The following SMYD4 variants were observed in gnomAD, a reference collection of about 807,000 sequenced individuals.
SMYD4 encodes the protein protein-lysine N-methyltransferase SMYD4.
Under a neutral mutation model 72.8 loss-of-function variants are expected in SMYD4, and 68 were observed. The observed-to-expected ratio is 0.93, with a 90% CI of 0.77 to 1.14. SMYD4 has a LOEUF of 1.14. Ranked by LOEUF, SMYD4 falls within the 50% of genes most tolerant of loss-of-function variation. The pLI is 0.00. For missense variants in SMYD4, 984 were observed against 1,003.7 expected (o/e 0.98, Z 0.27); for synonymous variants, 407 against 388.6 (o/e 1.05, Z -0.56).
At chr17:1,828,145 T>C (rs961795159) in intron 1 of SMYD4, 139 bp from the exon 2 acceptor site, 15 of 712,406 alleles carry the variant, frequency 2.1e-5, no homozygotes, top group Non-Finnish European at 3.2e-5. Flanking sequence ...GGTCAGGAGA[T>C]GGAGACCATC....
chr17:1,819,600 T>C (rs1910793518), intron 2 of SMYD4, among the ~76,000 whole-genome samples: 5 of 152,126 alleles, frequency 3.3e-5, no homozygotes, highest in Admixed American at 3.3e-4. Context: ...TTCTAAAGGT[T>C]TGCGCATCTA....
At chr17:1,787,058 G>C (rs975977381) in intron 6 of SMYD4, 85 bp from the exon 7 acceptor site, 4 of 1,495,002 alleles carry the variant, frequency 2.7e-6, no homozygotes, top group Non-Finnish European at 3.6e-6. Context: ...CAGAGGGTCT[G>C]GACAATTACC....
intron 4 of SMYD4, 86 bp downstream of exon 4, chr17:1,804,540 A>C: frequency 1.7e-6 from 2 of 1,160,576 alleles, no homozygotes; most frequent in Non-Finnish European, 1.3e-6. Flanking sequence ...TTAGTGTTCT[A>C]TGGAAGAAGC....
rs888775491 is a variant in SMYD4, at chr17:1,829,756, C to A, written c.-43G>T. 4.0e-5 allele frequency: 8 copies of A among 201,498 alleles called. No homozygotes were observed. The highest frequency in any genetic ancestry group is 6.9e-5 in the Non-Finnish European group (7 of 101,048). The allele number at this position is 201,498 out of a possible 1,614,324, so 12.5% of individuals were successfully genotyped here. ...CACTCGCCAGAGACCGAGGCGAGAA[C>A]GCCTCGAGAACCGCTCAGACGCGCC... is the stretch of plus-strand genomic sequence containing the variant. On this transcript the variant is annotated 5_prime_UTR_variant, in exon 1 of 11. Coordinates refer to ENST00000305513, the MANE Select transcript of SMYD4 (RefSeq NM_052928.3).
chr17:1,785,085 C>A (rs893623480), intron 7 of SMYD4, among the ~76,000 whole-genome samples: 38 of 149,432 alleles, frequency 2.5e-4, no homozygotes, highest in African/African-American at 9.1e-4. Context: ...CCGTGCCCGG[C>A]CTTGATGACA....
chr17:1,821,680 C>T (rs1269519596), intron 2 of SMYD4, among the ~76,000 whole-genome samples: 1 of 152,152 alleles, frequency 6.6e-6, no homozygotes, highest in Non-Finnish European at 1.5e-5. Context: ...CCTGTAATCC[C>T]AGCACTTTGG....
At chr17:1,783,927 T>A (rs1327849109) in intron 8 of SMYD4, 1 of 290,764 alleles carries the variant, frequency 3.4e-6, no homozygotes, top group African/African-American at 2.2e-5. Context: ...CACGCCCCAC[T>A]GCTCTCTAGC....
chr17:1,813,761 G>C (rs1403421255), intron 2 of SMYD4, among the ~76,000 whole-genome samples: 2 of 151,962 alleles, frequency 1.3e-5, no homozygotes, highest in Admixed American at 6.6e-5. Context: ...TTCAAACTAA[G>C]AAGTTTAAGA....
At chr17:1,794,935 C>G (rs1909310652) in intron 5 of SMYD4, among the ~76,000 whole-genome samples, 1 of 152,028 alleles carries the variant, frequency 6.6e-6, no homozygotes, top group Non-Finnish European at 1.5e-5. Flanking sequence ...TCATATCCCT[C>G]CGAATTAAAA....
At chr17:1,788,664 G>T (rs548877974) in intron 5 of SMYD4, among the ~76,000 whole-genome samples, 1 of 151,868 alleles carries the variant, frequency 6.6e-6, no homozygotes, top group African/African-American at 2.4e-5. Context: ...AGAATCGCTT[G>T]AACCCCTGAG....
At chr17:1,788,285 G>A (rs1018682136) in intron 5 of SMYD4, among the ~76,000 whole-genome samples, 6 of 152,092 alleles carry the variant, frequency 3.9e-5, no homozygotes, top group Non-Finnish European at 7.4e-5. Flanking sequence ...CCTAGAGAGC[G>A]AGGCTGCAGT....
At chr17:1,791,619 G>C (rs73976124) in intron 5 of SMYD4, among the ~76,000 whole-genome samples, 1 of 152,120 alleles carries the variant, frequency 6.6e-6, no homozygotes, top group Non-Finnish European at 1.5e-5. Context: ...CTTGCTGGTG[G>C]GCGCGTCAGT....
In SMYD4 at chr17:1,800,472, G is replaced by T. The variant is rs765554585; in HGVS notation, c.922C>A (p.Pro308Thr). Residue 308 changes from proline (P) to threonine (T), a missense_variant, in exon 5 of 11, where the codon CCG (proline) becomes ACG (threonine). Pro to Thr is a conservative substitution (Grantham distance 38, BLOSUM62 -1). Transcript: ENST00000305513. ...RCLKHTLATV[P>T]CDGCSYAKYC... ...TTGGCATAACTGCATCCGTCACACG[G>T]AACTGTGGCCAAAGTGTGCTTCAAA... 5.6e-6 allele frequency: 9 copies of T among 1,614,160 alleles called. 1 individual carries two copies. The South Asian group carries it at 9.9e-5, about 18-fold the overall frequency.
At chr17:1,793,443 C>T (rs1909168663) in intron 5 of SMYD4, among the ~76,000 whole-genome samples, 1 of 151,696 alleles carries the variant, frequency 6.6e-6, no homozygotes, top group Non-Finnish European at 1.5e-5. Flanking sequence ...ACATGACTGC[C>T]TTTCTGTGGC....
chr17:1,796,893 G>A (rs1172135388), intron 5 of SMYD4, among the ~76,000 whole-genome samples: 1 of 152,100 alleles, frequency 6.6e-6, no homozygotes. Context: ...CCTAATTCTG[G>A]AAAAATACTC....
intron 2 of SMYD4, among the ~76,000 whole-genome samples, chr17:1,825,514 T>TC (rs1484409255): frequency 1.2e-3 from 154 of 129,680 alleles, no homozygotes; most frequent in African/African-American, 5.4e-3. Context: ...TTTCTTTCTT[T>TC]TTTTTTTTTT....
At position 1,812,056 on chromosome 17, in the gene SMYD4, G is replaced by A. The variant is rs199792304; in HGVS notation, c.194C>T (p.Ser65Leu). The A allele has an allele frequency of 1.9e-5, 30 of 1,614,060 alleles. No individual in the cohort carries two copies. Among genetic ancestry groups the A allele is most frequent in the African/African-American group, 1.3e-4 (10 of 75,004 alleles). Residue 65 changes from serine (S) to leucine (L), a missense_variant, in exon 3 of 11, where the codon TCG becomes TTG. By Grantham distance (145) the Ser-to-Leu change is moderately radical. Coordinates refer to ENST00000305513, the MANE Select transcript of SMYD4 (RefSeq NM_052928.3). ...LSKGYLVGKD[S>L]DAPLFYREEG... ...TTCTCTGTAGAAAAGAGGAGCGTCC[G>A]AGTCCTTTCCCACCAAGTAACCTTT... is the stretch of plus-strand genomic sequence containing the variant.
chr17:1,803,886 GTTT>G lies in SMYD4; in HGVS notation c.369+737_369+739del, dbSNP rs34556870. Among the ~76,000 whole-genome samples, 6 of 144,000 alleles carry G rather than the reference GTTT, an allele frequency of 4.2e-5. No homozygotes were observed. In the East Asian group the frequency reaches 1.2e-3, roughly 30 times the overall value. 94.5% of individuals were successfully genotyped at this position (144,000 alleles called of 152,430 possible). On this transcript the variant is annotated intron_variant, in intron 4 of 10. Transcript: ENST00000305513. ...TCAGGAGAAAGGGCGAGTTCAGTTA[GTTT>G]TTTTTTTTTTTGAGACAGAGTCTGT...
rs934863640 is a variant in SMYD4 at position 1,815,982 on chromosome 17, G to A, written c.135-3867C>T. On this transcript the variant is annotated intron_variant, in intron 2 of 10. Coordinates refer to ENST00000305513, the MANE Select transcript of SMYD4 (RefSeq NM_052928.3). The stretch of plus-strand genomic sequence containing the variant: ...CCCAAAGTGCTGGAATGACAGGTGT[G>A]AGCCACCATGCCCGGCCTATTTAAA... Among the ~76,000 whole-genome samples the A allele has an allele frequency of 2.0e-5, 3 of 152,158 alleles. No individual in the cohort carries two copies. The East Asian group carries it at 5.8e-4, about 29-fold the overall frequency.
Sources: gnomAD v4.1 joint callset for allele counts (sites outside exome capture counted in the v4.1 genomes callset) on GRCh38, gnomAD v4.1.1 for gene constraint, MANE v1.5 for transcripts, NCBI Gene and HGNC (gene_info 2026-07-23, HGNC 2026-07-21) for gene names.